VWC2: variants seen among roughly 807,000 people sequenced by gnomAD.
VWC2 encodes the protein brorin.
A neutral mutation model predicts 29.8 loss-of-function variants in VWC2; 14 were observed. The ratio of observed to expected loss-of-function variants is 0.47; its 90% confidence interval spans 0.31 to 0.74. VWC2 has a LOEUF of 0.74. VWC2 is among the 30% of genes least tolerant of loss of function. The probability of loss-of-function intolerance (pLI) is 0.05; values close to 1 mark genes in which losing one functional copy is unlikely to be tolerated. For missense variants in VWC2, 457 were observed against 459.8 expected, an observed-to-expected ratio of 0.99 and a Z score of 0.05; for synonymous variants, 213 against 199.0, an observed-to-expected ratio of 1.07 and a Z score of -0.59.
At chr7:49,802,689 T>C in intron 2 of VWC2, 22 bp from the exon 3 acceptor site, 2 of 1,614,040 alleles carry the variant, frequency 1.2e-6, no homozygotes, top group Non-Finnish European at 1.7e-6. Flanking sequence ...GCTAAAGTGC[T>C]GATTGTGGGC....
Position 49,912,115 on chromosome 7 carries a change from C to T in VWC2, c.908C>T (p.Thr303Ile). 1 of 1,614,092 alleles carries T rather than the reference C, an allele frequency of 6.2e-7. No individual in the cohort carries two copies. Among genetic ancestry groups the T allele is most frequent in the Non-Finnish European group, 8.5e-7 (1 of 1,180,004 alleles). Reference sequence around the variant, plus strand: ...GACGAGTGCACCATATGCCACTGTACTTATGAGGAAGGCACATGGAGAATC... The same window carrying T: ...GACGAGTGCACCATATGCCACTGTATTTATGAGGAAGGCACATGGAGAATC... ...KTDECTICHC[T>I]YEEGTWRIER... The change falls in exon 4 of 4, where the codon ACT becomes ATT. Residue 303 changes from threonine (T) to isoleucine (I), a missense_variant. This residue lies in a region of VWC2 where 185 missense variants were observed against 257.1 expected (regional missense o/e 0.72). Transcript: ENST00000340652.
chr7:49,886,759 C>A (rs1419665037), intron 3 of VWC2, among the ~76,000 whole-genome samples: 1 of 152,118 alleles, frequency 6.6e-6, no homozygotes, highest in African/African-American at 2.4e-5. Flanking sequence ...TTCGATTCAG[C>A]CTTTCTGAAT....
chr7:49,786,706 T>C (rs1317578959), intron 2 of VWC2, among the ~76,000 whole-genome samples: 2 of 152,236 alleles, frequency 1.3e-5, no homozygotes, highest in Non-Finnish European at 2.9e-5. Context: ...CTCATTGTGA[T>C]TATGATTTGT....
chr7:49,884,249 G>A (rs1791801890), intron 3 of VWC2, among the ~76,000 whole-genome samples: 1 of 152,268 alleles, frequency 6.6e-6, no homozygotes, highest in South Asian at 2.1e-4. Flanking sequence ...GATGAAGATA[G>A]CAAATGGGTG....
rs28494947 is a variant in VWC2, at chr7:49,780,222, T to C, written c.696+4091T>C. ...TGAACATTAACTGAGGGGCTCAACT[T>C]GACCATTCTGATTCTGTGTCTATTG... On this transcript the variant is annotated intron_variant, in intron 2 of 3. Coordinates refer to ENST00000340652, the MANE Select transcript of VWC2 (RefSeq NM_198570.5). 6.8e-3 allele frequency among the ~76,000 whole-genome samples: 1,040 copies of C among 152,304 alleles called. 9 individuals carry two copies. The highest frequency in any genetic ancestry group is 0.023 in the African/African-American group (972 of 41,566).
At chr7:49,809,237 A>C (rs1296634633) in intron 3 of VWC2, among the ~76,000 whole-genome samples, 1 of 151,992 alleles carries the variant, frequency 6.6e-6, no homozygotes, top group East Asian at 1.9e-4. Flanking sequence ...TTACAAGGCA[A>C]TACTATGAAC....
chr7:49,867,920 G>GC (rs922113427), intron 3 of VWC2, among the ~76,000 whole-genome samples: 7 of 151,146 alleles, frequency 4.6e-5, no homozygotes, highest in Non-Finnish European at 1.0e-4. Context: ...TGCAATCTCC[G>GC]CCTCCCAAGT....
chr7:49,885,225 T>C (rs1791846380), intron 3 of VWC2, among the ~76,000 whole-genome samples: 1 of 152,146 alleles, frequency 6.6e-6, no homozygotes, highest in Non-Finnish European at 1.5e-5. Flanking sequence ...TTAATGTAAC[T>C]TCCACAAGGC....
intron 2 of VWC2, among the ~76,000 whole-genome samples, chr7:49,797,507 GCA>G (rs1352823006): frequency 6.6e-6 from 1 of 152,198 alleles, no homozygotes; most frequent in Non-Finnish European, 1.5e-5. Context: ...TAAGACAGAG[GCA>G]CTGTGGTAAC....
In VWC2 at chr7:49,877,474, AAAAAAAAATATATATATATAT is replaced by A. The variant is rs1562747572; in HGVS notation, c.827-34558_827-34538del. Among the ~76,000 whole-genome samples the A allele has an allele frequency of 4.3e-5, 2 of 46,302 alleles. 1 individual carries two copies. The highest frequency in any genetic ancestry group is 7.6e-5 in the Non-Finnish European group (2 of 26,474). 30.4% of individuals were successfully genotyped at this position (46,302 alleles called of 152,430 possible). On this transcript the variant is annotated intron_variant, in intron 3 of 3. Coordinates refer to ENST00000340652, the MANE Select transcript of VWC2 (RefSeq NM_198570.5). ...AGAAACTCTGTCTCAAAAAAAAAAA[AAAAAAAAATATATATATATAT>A]ATATATATATATATATATATATAGT...
intron 3 of VWC2, among the ~76,000 whole-genome samples, chr7:49,843,377 C>T (rs573465389): frequency 6.6e-6 from 1 of 152,138 alleles, no homozygotes; most frequent in Non-Finnish European, 1.5e-5. Context: ...AGACACAGCT[C>T]AGTGAGGCCC....
At chr7:49,839,354 C>A (rs1246896696) in intron 3 of VWC2, among the ~76,000 whole-genome samples, 1 of 152,180 alleles carries the variant, frequency 6.6e-6, no homozygotes, top group South Asian at 2.1e-4. Context: ...GGATAACTTA[C>A]AATATGTGAT....
chr7:49,803,570 G>A (rs1374323007), intron 3 of VWC2, among the ~76,000 whole-genome samples: 1 of 152,238 alleles, frequency 6.6e-6, no homozygotes, highest in East Asian at 1.9e-4. Context: ...AAGGATCTGA[G>A]TGGCCTCGCT....
intron 3 of VWC2, among the ~76,000 whole-genome samples, chr7:49,830,541 T>C (rs1275666530): frequency 6.6e-6 from 1 of 152,240 alleles, no homozygotes; most frequent in Non-Finnish European, 1.5e-5. Flanking sequence ...TATTATACTT[T>C]AAGTTCTAGG....
intron 3 of VWC2, among the ~76,000 whole-genome samples, chr7:49,888,898 C>G (rs778680069): frequency 1.3e-5 from 2 of 151,558 alleles, no homozygotes; most frequent in Non-Finnish European, 2.9e-5. Flanking sequence ...GGGACAAGAG[C>G]GAGACTTCAT....
intron 2 of VWC2, among the ~76,000 whole-genome samples, chr7:49,792,617 T>C (rs1788489006): frequency 6.6e-6 from 1 of 152,244 alleles, no homozygotes; most frequent in African/African-American, 2.4e-5. Flanking sequence ...TGTTGCCACA[T>C]ACACTGTCTT....
chr7:49,816,074 A>T (rs987838031), intron 3 of VWC2, among the ~76,000 whole-genome samples: 8 of 152,238 alleles, frequency 5.3e-5, no homozygotes, highest in Middle Eastern at 3.4e-3. Context: ...ATATGTCCAG[A>T]GGGTGGGAGC....
chr7:49,833,766 C>T (rs1789592451), intron 3 of VWC2, among the ~76,000 whole-genome samples: 1 of 152,152 alleles, frequency 6.6e-6, no homozygotes, highest in African/African-American at 2.4e-5. Flanking sequence ...TCAGTGGTCT[C>T]AGATGGCTTG....
At chr7:49,815,493 T>C (rs1178062062) in intron 3 of VWC2, among the ~76,000 whole-genome samples, 1 of 152,240 alleles carries the variant, frequency 6.6e-6, no homozygotes, top group Non-Finnish European at 1.5e-5. Context: ...GCCAACCTTT[T>C]GTTAAACTAT....
Sources: gnomAD v4.1 joint callset for allele counts (sites outside exome capture counted in the v4.1 genomes callset) on GRCh38, gnomAD v4.1.1 for gene constraint, gnomAD v4.1.1 regional missense constraint, MANE v1.5 for transcripts, NCBI Gene and HGNC (gene_info 2026-07-23, HGNC 2026-07-21) for gene names.